The following CXCL14 variants were observed in gnomAD, a reference collection of about 807,000 sequenced individuals.
CXCL14 encodes the protein C-X-C motif chemokine ligand 14.
A neutral mutation model predicts 16.1 loss-of-function variants in CXCL14; 9 were observed. That is an observed-to-expected ratio of 0.56 (90% CI 0.34 to 0.97). The LOEUF (loss-of-function observed/expected upper bound fraction) is 0.97. CXCL14 is among the 50% of genes least tolerant of loss of function. CXCL14 has a pLI of 0.02. For missense variants in CXCL14, 111 were observed against 132.5 expected (o/e 0.84, Z 0.80); for synonymous variants, 55 against 52.8 (o/e 1.04, Z -0.18).
intron 2 of CXCL14, among the ~76,000 whole-genome samples, chr5:135,577,067 G>A (rs1226208612): frequency 6.6e-6 from 1 of 152,172 alleles, no homozygotes; most frequent in East Asian, 1.9e-4. Context: ...TTCTCTATAT[G>A]TGGAAAAGTT....
At chr5:135,572,508 C>G (rs73300409) in intron 3 of CXCL14, among the ~76,000 whole-genome samples, 10,683 of 152,210 alleles carry the variant, frequency 0.07, 1,275 homozygotes, top group African/African-American at 0.24. Flanking sequence ...CATCTCTACT[C>G]GTTCCCAGCC....
Position 135,571,803 on chromosome 5 carries a change from G to A in CXCL14, c.*50C>T. ...TTTTTTTTAATCTGCAAAGTCCTTT[G>A]CACAAGTCTCCCAACTGGTTTGGAG... On this transcript the variant is annotated 3_prime_UTR_variant, in exon 4 of 4. Transcript: ENST00000512158. The A allele has an allele frequency of 2.6e-6, 2 of 763,580 alleles. No individual in the cohort carries two copies. Among genetic ancestry groups the A allele is most frequent in the Non-Finnish European group, 4.1e-6 (2 of 489,760 alleles). The allele number at this position is 763,580 out of a possible 1,614,324, so 47.3% of individuals were successfully genotyped here.
chr5:135,572,542 C>T (rs1751044035), intron 3 of CXCL14, among the ~76,000 whole-genome samples: 1 of 152,208 alleles, frequency 6.6e-6, no homozygotes, highest in Admixed American at 6.5e-5. Flanking sequence ...ACCTCTCAAG[C>T]TGTGCCCAGT....
chr5:135,578,344 T>G, intron 2 of CXCL14, 90 bp downstream of exon 2: 1 of 1,082,290 alleles, frequency 9.2e-7, no homozygotes, highest in Non-Finnish European at 1.4e-6. Flanking sequence ...CGGAGAGAAA[T>G]GTTTGTTAGC....
intron 2 of CXCL14, among the ~76,000 whole-genome samples, chr5:135,577,690 T>C (rs1285262345): frequency 6.6e-6 from 1 of 152,168 alleles, no homozygotes; most frequent in East Asian, 1.9e-4. Context: ...GCCAAGAGCA[T>C]ATTGATGAGG....
chr5:135,571,783 TTTA>T lies in CXCL14; in HGVS notation c.*67_*69del. 2.3e-6 allele frequency: 1 copy of T among 430,580 alleles called. No individual in the cohort carries two copies. The highest frequency in any genetic ancestry group is 4.0e-6 in the Non-Finnish European group (1 of 252,936). The allele number at this position is 430,580 out of a possible 1,614,324, so 26.7% of individuals were successfully genotyped here. A position where few individuals can be genotyped will look rare whatever the true frequency, so the allele number is the denominator to read the frequency against. ...TTTTTTTTTTTTTTTTTTTTTTTTTTTTAATCTGCAAAGTCCTTTGCACAAGTC... is the reference window on the plus strand; with the variant it reads ...TTTTTTTTTTTTTTTTTTTTTTTTTTATCTGCAAAGTCCTTTGCACAAGTC... On this transcript the variant is annotated 3_prime_UTR_variant, in exon 4 of 4. Transcript: ENST00000512158.
chr5:135,572,036 C>T (rs542478351), intron 3 of CXCL14, among the ~76,000 whole-genome samples, 168 bp from the exon 4 acceptor site: 12 of 152,104 alleles, frequency 7.9e-5, no homozygotes, highest in African/African-American at 2.2e-4. Flanking sequence ...GATGTGGTCC[C>T]GGGGACCATG....
chr5:135,577,677 C>T (rs912384202), intron 2 of CXCL14, among the ~76,000 whole-genome samples: 21 of 152,212 alleles, frequency 1.4e-4, no homozygotes, highest in African/African-American at 4.6e-4. Flanking sequence ...GGCTCCCTTC[C>T]TGGCCAAGAG....
chr5:135,578,941 C>CT lies in CXCL14; in HGVS notation c.-164dup. 1.4e-6 allele frequency: 1 copy of CT among 692,624 alleles called. No homozygotes were observed. The highest frequency in any genetic ancestry group is 2.2e-6 in the Non-Finnish European group (1 of 448,618). The allele number at this position is 692,624 out of a possible 1,614,324, so 42.9% of individuals were successfully genotyped here. On this transcript the variant is annotated 5_prime_UTR_variant, in exon 1 of 4. Coordinates refer to ENST00000512158, the MANE Select transcript of CXCL14 (RefSeq NM_004887.5). ...CTGCGCCGTCGGTGGATGCCCAGGG[C>CT]TGTCTGTGGCCGTGCGCTGCGCTCT...
Position 135,578,976 on chromosome 5 carries a change from T to G in CXCL14, c.-198A>C. The G allele has an allele frequency of 1.8e-6, 1 of 565,174 alleles. No homozygotes were observed. The highest frequency in any genetic ancestry group is 2.9e-6 in the Non-Finnish European group (1 of 339,372). The allele number at this position is 565,174 out of a possible 1,614,324, so 35.0% of individuals were successfully genotyped here. A position where few individuals can be genotyped will look rare whatever the true frequency, so the allele number is the denominator to read the frequency against. ...CCGTGCGCTGCGCTCTGCGCTTGTCTCCGCGCTCTCTCCACAGCCTCCCTC... is the reference window on the plus strand; with the variant it reads ...CCGTGCGCTGCGCTCTGCGCTTGTCGCCGCGCTCTCTCCACAGCCTCCCTC... On this transcript the variant is annotated 5_prime_UTR_variant, in exon 1 of 4. Transcript: ENST00000512158.
rs1490017626 is a variant in CXCL14, at chr5:135,571,577, C to T, written c.*276G>A. ...AAAAAGGAAAGGCATGAGTTTTCCC[C>T]TTTTTGATAAAAAGCAGCCTGTGAT... is the stretch of plus-strand genomic sequence containing the variant. On this transcript the variant is annotated 3_prime_UTR_variant, in exon 4 of 4. Coordinates refer to ENST00000512158, the MANE Select transcript of CXCL14 (RefSeq NM_004887.5). The T allele has an allele frequency of 4.3e-6, 2 of 460,032 alleles. No individual in the cohort carries two copies. Among genetic ancestry groups the T allele is most frequent in the Non-Finnish European group, 7.6e-6 (2 of 262,974 alleles). 28.5% of individuals were successfully genotyped at this position (460,032 alleles called of 1,614,324 possible).
At chr5:135,573,809 C>T (rs1751059175) in intron 3 of CXCL14, among the ~76,000 whole-genome samples, 1 of 151,904 alleles carries the variant, frequency 6.6e-6, no homozygotes, top group African/African-American at 2.4e-5. Flanking sequence ...TGAGACAGGA[C>T]AGGCTACCTT....
chr5:135,572,083 A>T (rs915767255), intron 3 of CXCL14, among the ~76,000 whole-genome samples: 1 of 152,080 alleles, frequency 6.6e-6, no homozygotes, highest in South Asian at 2.1e-4. Flanking sequence ...TTTTCTAACC[A>T]TCTGCAATCT....
rs1751127754 is a variant in CXCL14 at position 135,577,662 on chromosome 5, C to G, written c.170+772G>C. ...TGGCAAATATTTGGTAGCCGCTTTG[C>G]CAAGGGCTCCCTTCCTGGCCAAGAG... On this transcript the variant is annotated intron_variant, in intron 2 of 3. Transcript: ENST00000512158. Among the ~76,000 whole-genome samples, 4 of 152,346 alleles carry G rather than the reference C, an allele frequency of 2.6e-5. No homozygotes were observed. In the South Asian group the frequency reaches 8.3e-4, roughly 32 times the overall value.
intron 2 of CXCL14, among the ~76,000 whole-genome samples, chr5:135,576,073 C>A (rs1388193291): frequency 6.6e-6 from 1 of 152,220 alleles, no homozygotes; most frequent in Non-Finnish European, 1.5e-5. Context: ...TCCTAGGCAA[C>A]CTGTTCTCTT....
Position 135,578,456 on chromosome 5 carries a change from GC to G in CXCL14, c.147del (p.His50ThrfsTer95). The G allele has an allele frequency of 6.2e-7, 1 of 1,614,210 alleles. No homozygotes were observed. The highest frequency in any genetic ancestry group is 8.5e-7 in the Non-Finnish European group (1 of 1,180,010). On this transcript the variant is annotated frameshift_variant, in exon 2 of 4. Coordinates refer to ENST00000512158, the MANE Select transcript of CXCL14 (RefSeq NM_004887.5). LOFTEE classifies it high-confidence loss of function. Reference protein sequence around the residue: ...VKKLEMKPKYPHCEEKMVIIT... With the variant: ...VKKLEMKPKYXHCEEKMVIIT... ...CACATAACCATCTTCTCCTCGCAGT[GC>G]GGGTACTTTGGCTTCATTTCCAGCT...
chr5:135,577,547 G>A (rs1195047218), intron 2 of CXCL14, among the ~76,000 whole-genome samples: 2 of 152,208 alleles, frequency 1.3e-5, no homozygotes, highest in African/African-American at 2.4e-5. Context: ...CCTTTGCGCC[G>A]GTGGGGGCCA....
chr5:135,573,877 C>G (rs925720036), intron 3 of CXCL14, among the ~76,000 whole-genome samples: 1 of 152,078 alleles, frequency 6.6e-6, no homozygotes, highest in African/African-American at 2.4e-5. Flanking sequence ...ACATAAGACC[C>G]CAGGAAACCA....
chr5:135,575,082 G>T (rs1236279033), intron 2 of CXCL14, among the ~76,000 whole-genome samples: 3 of 152,172 alleles, frequency 2.0e-5, no homozygotes, highest in Non-Finnish European at 4.4e-5. Flanking sequence ...GAAAGCTAAT[G>T]CCAGCAAGGT....
Sources: gnomAD v4.1 joint callset for allele counts (sites outside exome capture counted in the v4.1 genomes callset) on GRCh38, gnomAD v4.1.1 for gene constraint, MANE v1.5 for transcripts, NCBI Gene and HGNC (gene_info 2026-07-23, HGNC 2026-07-21) for gene names.